C18orf54: variants seen among roughly 807,000 people sequenced by gnomAD.
C18orf54 encodes chromosome 18 open reading frame 54, also known as lung adenoma susceptibility protein 2.
In C18orf54, 49 loss-of-function variants were observed where a neutral mutation model predicts 49.3. The observed-to-expected ratio is 0.99, with a 90% CI of 0.79 to 1.26. The LOEUF (loss-of-function observed/expected upper bound fraction) is 1.26. C18orf54 is among the 50% of genes most tolerant of loss of function. C18orf54 has a pLI of 0.00. For synonymous variants in C18orf54, 211 were observed against 216.6 expected, an observed-to-expected ratio of 0.97 and a Z score of 0.23; for missense variants, 687 against 620.6, an observed-to-expected ratio of 1.11 and a Z score of -1.14.
chr18:54,365,843 A>C (rs1171560079), intron 6 of C18orf54, 22 bp downstream of exon 6: 1 of 1,429,956 alleles, frequency 7.0e-7, no homozygotes. Context: ...TAAAAGTTTT[A>C]AAACTTATTT....
Position 54,361,309 on chromosome 18 carries a change from A to G in C18orf54, c.284-334A>G, listed in dbSNP as rs1657906. Among the ~76,000 whole-genome samples the G allele has an allele frequency of 2.7e-3, 414 of 152,256 alleles. 6 individuals carry two copies. The highest frequency in any genetic ancestry group is 9.6e-3 in the African/African-American group (399 of 41,550). ...CTAGTTTAATAGCATATTTTTTTCT[A>G]TGCTGCAACCAATATTGAGTGACCA... On this transcript the variant is annotated intron_variant, in intron 3 of 8. Transcript: ENST00000620105.
chr18:54,378,191 C>T lies in C18orf54; in HGVS notation c.1547C>T (p.Ser516Phe). 6.2e-7 allele frequency: 1 copy of T among 1,613,230 alleles called. No homozygotes were observed. Among genetic ancestry groups the T allele is most frequent in the Non-Finnish European group, 8.5e-7 (1 of 1,179,558 alleles). Residue 516 changes from serine to phenylalanine, a missense_variant, in exon 9 of 9, where the codon TCT becomes TTT. By Grantham distance (155) the Ser-to-Phe change is radical. Transcript: ENST00000620105. ...RSLQKALHHL[S>F]RLRDLVDDTN... is the part of the protein sequence containing the mutation. ...TAATGAAGGGCTTTGCACCATTTAT[C>T]TCGCCTGAGAGACCTGGTTGATGAT...
intron 7 of C18orf54, among the ~76,000 whole-genome samples, chr18:54,373,703 T>A (rs1698922668): frequency 6.6e-6 from 1 of 151,848 alleles, no homozygotes; most frequent in African/African-American, 2.4e-5. Context: ...CTTAGTATAG[T>A]GCTTGGTACA....
At chr18:54,366,092 T>C (rs941479877) in intron 6 of C18orf54, among the ~76,000 whole-genome samples, 1 of 151,910 alleles carries the variant, frequency 6.6e-6, no homozygotes, top group Non-Finnish European at 1.5e-5. Flanking sequence ...GTGATTTGCA[T>C]ACCATCATCT....
rs150551052 is a variant in C18orf54 at position 54,360,635 on chromosome 18, G to A, written c.63G>A (p.Leu21=). The change falls in exon 3 of 9, where the codon CTG becomes CTA. Residue 21 remains leucine, a synonymous_variant. Coordinates refer to ENST00000620105, the MANE Select transcript of C18orf54 (RefSeq NM_001288980.2). The part of the protein sequence containing the change: ...CSQESSVSAL[L]ASCTLSGSNS... ...AGGAATCTTCAGTATCTGCCCTGCT[G>A]GCAAGCTGCACCCTGAGTGGTAGTA... 1.5e-4 allele frequency: 250 copies of A among 1,614,060 alleles called. No individual in the cohort carries two copies. Among genetic ancestry groups the A allele is most frequent in the African/African-American group, 8.3e-4 (62 of 75,034 alleles).
Position 54,358,853 on chromosome 18 carries a change from G to A in C18orf54, c.-64G>A, listed in dbSNP as rs1367669745. On this transcript the variant is annotated 5_prime_UTR_variant, in exon 2 of 9. Coordinates refer to ENST00000620105, the MANE Select transcript of C18orf54 (RefSeq NM_001288980.2). ...TTTTCTTTTGGAGATTCGAACTGAA[G>A]CCTGTACGGAGGAAATGGTAAGATA... The A allele has an allele frequency of 6.6e-6, 1 of 152,184 alleles. No homozygotes were observed. The highest frequency in any genetic ancestry group is 1.5e-5 in the Non-Finnish European group (1 of 68,048). 9.4% of individuals were successfully genotyped at this position (152,184 alleles called of 1,614,324 possible).
In C18orf54 at chr18:54,378,279, G is replaced by GTCAC; in HGVS notation, c.*34_*37dup. 7 of 1,563,010 alleles carry GTCAC rather than the reference G, an allele frequency of 4.5e-6. No individual in the cohort carries two copies. The highest frequency in any genetic ancestry group is 6.2e-6 in the Non-Finnish European group (7 of 1,134,894). On this transcript the variant is annotated 3_prime_UTR_variant, in exon 9 of 9. Transcript: ENST00000620105. ...AATGAAACTGTCACCACAATGAATA[G>GTCAC]TCACCACAGAACAAATAGGCATTTT...
chr18:54,375,206 C>CA (rs1228766659), intron 8 of C18orf54, among the ~76,000 whole-genome samples: 1 of 151,624 alleles, frequency 6.6e-6, no homozygotes, highest in Non-Finnish European at 1.5e-5. Context: ...GAATGTTTAC[C>CA]AAATTTCAGT....
Position 54,380,388 on chromosome 18 carries a change from AAATT to A in C18orf54, c.*2145_*2148del, listed in dbSNP as rs2089647041. The A allele has an allele frequency of 6.6e-6, 1 of 151,952 alleles. No individual in the cohort carries two copies. The highest frequency in any genetic ancestry group is 1.5e-5 in the Non-Finnish European group (1 of 67,904). 9.4% of individuals were successfully genotyped at this position (151,952 alleles called of 1,614,324 possible). The stretch of plus-strand genomic sequence containing the variant: ...ATATTGAGAAAATGTTAAATAGAAA[AAATT>A]AAGAAATTTTAATAAGATGTTTCAG... On this transcript the variant is annotated 3_prime_UTR_variant, in exon 9 of 9. Coordinates refer to ENST00000620105, the MANE Select transcript of C18orf54 (RefSeq NM_001288980.2).
At chr18:54,366,404 T>C (rs974836967) in intron 6 of C18orf54, among the ~76,000 whole-genome samples, 1 of 152,034 alleles carries the variant, frequency 6.6e-6, no homozygotes, top group Non-Finnish European at 1.5e-5. Flanking sequence ...GCTCCTAGCT[T>C]ATTTTACCTA....
At chr18:54,375,833 T>TA (rs2089560821) in intron 8 of C18orf54, among the ~76,000 whole-genome samples, 1 of 152,160 alleles carries the variant, frequency 6.6e-6, no homozygotes, top group African/African-American at 2.4e-5. Flanking sequence ...GGAGCAGTCT[T>TA]AATTTGTCTT....
At chr18:54,377,260 C>A (rs1211264003) in intron 8 of C18orf54, among the ~76,000 whole-genome samples, 2 of 152,102 alleles carry the variant, frequency 1.3e-5, no homozygotes, top group African/African-American at 2.4e-5. Context: ...TGGTCTCGAA[C>A]TCCTGACCTC....
chr18:54,380,934 T>C lies in C18orf54; in HGVS notation c.*2688T>C, dbSNP rs965849118. On this transcript the variant is annotated 3_prime_UTR_variant, in exon 9 of 9. Coordinates refer to ENST00000620105, the MANE Select transcript of C18orf54 (RefSeq NM_001288980.2). The stretch of plus-strand genomic sequence containing the variant: ...AGAAGTGAACTTGTCAAAAGGCAAG[T>C]AGCATGAAAGAAGACAGAAGAAGCA... 4 of 152,152 alleles carry C rather than the reference T, an allele frequency of 2.6e-5. No individual in the cohort carries two copies. Among genetic ancestry groups the C allele is most frequent in the African/African-American group, 9.6e-5 (4 of 41,460 alleles). 9.4% of individuals were successfully genotyped at this position (152,152 alleles called of 1,614,324 possible).
In C18orf54 at chr18:54,362,755, C is replaced by T; in HGVS notation, c.1073-16C>T. On this transcript the variant is annotated splice_polypyrimidine_tract_variant and intron_variant, in intron 4 of 8. Coordinates refer to ENST00000620105, the MANE Select transcript of C18orf54 (RefSeq NM_001288980.2). Reference sequence around the variant, plus strand: ...ATTTTTTTCTTCAAGGATTAATAGTCATCTTTTACAATTAGGTGACAAAAT... The same window carrying T: ...ATTTTTTTCTTCAAGGATTAATAGTTATCTTTTACAATTAGGTGACAAAAT... 6.3e-6 allele frequency: 10 copies of T among 1,595,422 alleles called. No homozygotes were observed. Among genetic ancestry groups the T allele is most frequent in the Non-Finnish European group, 8.5e-6 (10 of 1,173,894 alleles).
At chr18:54,360,114 G>A (rs1321507753) in intron 2 of C18orf54, among the ~76,000 whole-genome samples, 1 of 152,156 alleles carries the variant, frequency 6.6e-6, no homozygotes, top group Non-Finnish European at 1.5e-5. Context: ...ATTATCTGCA[G>A]CACATGGTAG....
chr18:54,372,213 A>T (rs2089498303), intron 6 of C18orf54, among the ~76,000 whole-genome samples: 1 of 152,024 alleles, frequency 6.6e-6, no homozygotes, highest in Non-Finnish European at 1.5e-5. Context: ...AACGTGCACT[A>T]TTTATTTCAA....
rs1319220318 is a variant in C18orf54, at chr18:54,362,460, T to C, written c.1072+29T>C. The C allele has an allele frequency of 5.6e-6, 8 of 1,430,874 alleles. No individual in the cohort carries two copies. In the East Asian group the frequency reaches 7.6e-5, roughly 14 times the overall value. 88.6% of individuals were successfully genotyped at this position (1,430,874 alleles called of 1,614,324 possible). A position where few individuals can be genotyped will look rare whatever the true frequency, so the allele number is the denominator to read the frequency against. ...ATACTTTGTTTATTGCTTATAGTTATTTATTTTTCTTTTTTTTAAACCAAA... is the reference window on the plus strand; with the variant it reads ...ATACTTTGTTTATTGCTTATAGTTACTTATTTTTCTTTTTTTTAAACCAAA... On this transcript the variant is annotated intron_variant, in intron 4 of 8. Coordinates refer to ENST00000620105, the MANE Select transcript of C18orf54 (RefSeq NM_001288980.2).
intron 3 of C18orf54, 122 bp from the exon 4 acceptor site, chr18:54,361,521 C>G: frequency 2.5e-6 from 2 of 808,082 alleles, no homozygotes; most frequent in Non-Finnish European, 3.7e-6. Context: ...TGCTTTTAAT[C>G]AAAGCTTTAG....
In C18orf54 at chr18:54,364,864, A is replaced by C. The variant is rs1465933419; in HGVS notation, c.1224-855A>C. On this transcript the variant is annotated intron_variant, in intron 5 of 8. Transcript: ENST00000620105. ...ATGCTTATTAAGAAAAAACATCAGC[A>C]TTCTGTAAATGTTAAAAAAAGATTC... Among the ~76,000 whole-genome samples, 3 of 152,190 alleles carry C rather than the reference A, an allele frequency of 2.0e-5. No individual in the cohort carries two copies. The East Asian group carries it at 5.8e-4, about 29-fold the overall frequency.
Sources: allele counts gnomAD v4.1 joint callset (sites outside exome capture counted in the v4.1 genomes callset), GRCh38; gene constraint gnomAD v4.1.1; transcripts MANE v1.5; gene names NCBI Gene and HGNC (gene_info 2026-07-23, HGNC 2026-07-21).